Variants in RFPL1 observed in about 807,000 individuals in gnomAD.
RFPL1 encodes the protein ret finger protein-like 1.
In RFPL1, 6 loss-of-function variants were observed where a neutral mutation model predicts 9.6. That is an observed-to-expected ratio of 0.62 (90% CI 0.34 to 1.23). The LOEUF is 1.23. Ranked by LOEUF, RFPL1 falls within the 50% of genes most tolerant of loss-of-function variation. The probability of loss-of-function intolerance (pLI) is 0.03; values close to 1 mark genes in which losing one functional copy is unlikely to be tolerated. For missense variants in RFPL1, 352 were observed against 398.4 expected (o/e 0.88, Z 0.99); for synonymous variants, 145 against 149.4 (o/e 0.97, Z 0.22).
chr22:29,413,977 T>G, the RFPL1 span, among the ~76,000 whole-genome samples: 4 of 152,244 alleles, frequency 2.6e-5, no homozygotes, highest in African/African-American at 4.8e-5. Context: ...CATATTTTAC[T>G]TACCTTATAC....
the RFPL1 span, among the ~76,000 whole-genome samples, chr22:29,393,107 G>T: frequency 2.6e-5 from 4 of 152,192 alleles, no homozygotes; most frequent in Admixed American, 1.3e-4. Context: ...ACCAAATTCA[G>T]CCTGGGAAAG....
the RFPL1 span, among the ~76,000 whole-genome samples, chr22:29,395,757 G>C: frequency 6.6e-6 from 1 of 152,096 alleles, no homozygotes; most frequent in Non-Finnish European, 1.5e-5. Flanking sequence ...TGGATCACCT[G>C]AGGTCAGGAG....
chr22:29,423,324 A>G, the RFPL1 span: 3 of 626,668 alleles, frequency 4.8e-6, no homozygotes, highest in South Asian at 2.0e-5. Context: ...TCCTGGAGAA[A>G]CAAACTTTAG....
At chr22:29,409,736 T>C in the RFPL1 span, among the ~76,000 whole-genome samples, 5 of 152,172 alleles carry the variant, frequency 3.3e-5, no homozygotes, top group African/African-American at 9.7e-5. Context: ...ATGTATATTA[T>C]AGAAGACAAA....
chr22:29,399,754 T>C, the RFPL1 span, among the ~76,000 whole-genome samples: 1 of 152,136 alleles, frequency 6.6e-6, no homozygotes, highest in African/African-American at 2.4e-5. Flanking sequence ...GGTCACAGGG[T>C]TTGTAAACAT....
At chr22:29,410,475 T>TATATATATCTATATAGAGAG in the RFPL1 span, among the ~76,000 whole-genome samples, 1 of 67,508 alleles carries the variant, frequency 1.5e-5, no homozygotes, top group African/African-American at 9.3e-5. Flanking sequence ...TATATATAGA[T>TATATATATCTATATAGAGAG]ATATATATTG....
chr22:29,419,850 T>C, the RFPL1 span, among the ~76,000 whole-genome samples: 1 of 150,210 alleles, frequency 6.7e-6, no homozygotes, highest in African/African-American at 2.4e-5. Context: ...GAGGCCACTC[T>C]GGATTGAAGC....
chr22:29,430,424 T>G, the RFPL1 span, among the ~76,000 whole-genome samples: 1 of 152,198 alleles, frequency 6.6e-6, no homozygotes, highest in Non-Finnish European at 1.5e-5. Context: ...ATATACGCAT[T>G]TAAATATGTA....
At chr22:29,410,432 AGATATATATATC>A in the RFPL1 span, among the ~76,000 whole-genome samples, 3 of 94,898 alleles carry the variant, frequency 3.2e-5, no homozygotes, top group African/African-American at 1.3e-4. Context: ...TATATATTGT[AGATATATATATC>A]TATATATAGA....
At chr22:29,396,215 C>T in the RFPL1 span, among the ~76,000 whole-genome samples, 2 of 152,162 alleles carry the variant, frequency 1.3e-5, no homozygotes, top group Non-Finnish European at 2.9e-5. Flanking sequence ...TGTTGGCAGT[C>T]CCCACTGCAA....
At chr22:29,395,867 G>A in the RFPL1 span, among the ~76,000 whole-genome samples, 18 of 152,240 alleles carry the variant, frequency 1.2e-4, 1 homozygote, top group South Asian at 1.9e-3. Context: ...CAACTACTAG[G>A]GGGGCTGAGG....
At chr22:29,395,458 G>A in the RFPL1 span, among the ~76,000 whole-genome samples, 1 of 152,044 alleles carries the variant, frequency 6.6e-6, no homozygotes, top group African/African-American at 2.4e-5. Flanking sequence ...CCCAGGCCTG[G>A]CACAACCCCC....
chr22:29,390,709 C>T, the RFPL1 span, among the ~76,000 whole-genome samples: 3 of 151,560 alleles, frequency 2.0e-5, no homozygotes, highest in East Asian at 5.9e-4. Context: ...CATTCTCCTG[C>T]CTCAGCTTCC....
the RFPL1 span, among the ~76,000 whole-genome samples, chr22:29,432,653 T>C: frequency 1.3e-5 from 2 of 152,180 alleles, no homozygotes; most frequent in Non-Finnish European, 2.9e-5. Context: ...CCATTTGGGG[T>C]GCTCAAGAAC....
chr22:29,410,583 C>A, the RFPL1 span, among the ~76,000 whole-genome samples: 67 of 75,944 alleles, frequency 8.8e-4, no homozygotes, highest in African/African-American at 4.1e-3. Flanking sequence ...GTAGATATAT[C>A]TATCTATATA....
chr22:29,405,721 C>T, the RFPL1 span, among the ~76,000 whole-genome samples: 1 of 152,226 alleles, frequency 6.6e-6, no homozygotes, highest in Non-Finnish European at 1.5e-5. Context: ...GGGCAAGTCA[C>T]TCAAAACGTC....
At chr22:29,391,953 C>A in the RFPL1 span, among the ~76,000 whole-genome samples, 8 of 152,188 alleles carry the variant, frequency 5.3e-5, no homozygotes, top group Non-Finnish European at 1.2e-4. Context: ...GAGCAAGTCA[C>A]AAGTGTGACT....
chr22:29,441,620 G>A (rs1356963184), exon 2 of RFPL1: 1 of 1,613,948 alleles, frequency 6.2e-7, no homozygotes, highest in Non-Finnish European at 8.5e-7. Context: ...CGAAGTGGGT[G>A]CATCACACAG....
chr22:29,440,174 C>A (rs2062831140), intron 1 of RFPL1: 1 of 152,242 alleles, frequency 6.6e-6, no homozygotes, highest in African/African-American at 2.4e-5. Flanking sequence ...CATCCACCTA[C>A]CCATACCTGA....
Sources: allele counts gnomAD v4.1 joint callset (sites outside exome capture counted in the v4.1 genomes callset), GRCh38; gene constraint gnomAD v4.1.1; transcripts MANE v1.5; gene names NCBI Gene and HGNC (gene_info 2026-07-23, HGNC 2026-07-21).